The following MAF variants were observed in gnomAD, a reference collection of about 807,000 sequenced individuals.
MAF encodes transcription factor Maf.
Under a neutral mutation model 22.0 loss-of-function variants are expected in MAF, and 10 were observed. The ratio of observed to expected loss-of-function variants is 0.45; its 90% CI spans 0.28 to 0.77. MAF has a LOEUF of 0.77. MAF is among the 30% of genes least tolerant of loss of function. The pLI is 0.12. For missense variants in MAF, 544 were observed against 548.4 expected (o/e 0.99, Z 0.08); for synonymous variants, 337 against 255.8 (o/e 1.32, Z -3.03).
At chr16:79,277,643 G>C in the MAF span, among the ~76,000 whole-genome samples, 3 of 152,180 alleles carry the variant, frequency 2.0e-5, no homozygotes, top group African/African-American at 7.2e-5. Flanking sequence ...GTAGTGGATG[G>C]CTTTAGGAAT....
the MAF span, among the ~76,000 whole-genome samples, chr16:79,575,130 A>G: frequency 6.6e-6 from 1 of 151,746 alleles, no homozygotes; most frequent in Non-Finnish European, 1.5e-5. Context: ...CCCACAAACC[A>G]GTCTTTAGAT....
the MAF span, among the ~76,000 whole-genome samples, chr16:79,459,252 A>G: frequency 2.6e-3 from 389 of 152,324 alleles, 4 homozygotes; most frequent in African/African-American, 9.0e-3. Context: ...AGCAAAAAAC[A>G]AAAGATACAA....
chr16:79,409,057 C>T, the MAF span, among the ~76,000 whole-genome samples: 1 of 151,474 alleles, frequency 6.6e-6, no homozygotes, highest in African/African-American at 2.4e-5. Context: ...ACCTAGACTA[C>T]AGTGTGAACA....
Position 79,594,640 on chromosome 16 carries a change from T to A in MAF, c.1119-87A>T, listed in dbSNP as rs1448677589. The A allele has an allele frequency of 5.6e-5, 3 of 53,920 alleles. No individual in the cohort carries two copies. The South Asian group carries it at 1.7e-3, about 30-fold the overall frequency. 3.3% of individuals were successfully genotyped at this position (53,920 alleles called of 1,614,324 possible). On this transcript the variant is annotated intron_variant, in intron 1 of 1. Transcript: ENST00000326043. The stretch of plus-strand genomic sequence containing the variant: ...GGGAAAGCTAGATTTCCTCATATGA[T>A]TTTTTTTTTTTTAAATTTAGAGACT...
the MAF span, among the ~76,000 whole-genome samples, chr16:79,445,705 AG>A: frequency 6.6e-6 from 1 of 152,240 alleles, no homozygotes; most frequent in Non-Finnish European, 1.5e-5. Flanking sequence ...TTGACAGCAA[AG>A]GACCAGTTTG....
At chr16:79,586,269 A>G (rs966521184) in intron 1 of MAF, among the ~76,000 whole-genome samples, 4 of 152,138 alleles carry the variant, frequency 2.6e-5, no homozygotes, top group African/African-American at 9.7e-5. Flanking sequence ...GGGAGCCAAG[A>G]GATTCTGGGT....
chr16:79,582,818 G>A (rs1222339451), downstream of MAF, among the ~76,000 whole-genome samples: 1 of 152,182 alleles, frequency 6.6e-6, no homozygotes, highest in Admixed American at 6.5e-5. Context: ...ACAGCAGAGA[G>A]CATTCTCCTT....
At chr16:79,382,096 G>C in the MAF span, among the ~76,000 whole-genome samples, 1 of 152,096 alleles carries the variant, frequency 6.6e-6, no homozygotes, top group African/African-American at 2.4e-5. Context: ...TTTCAACTTA[G>C]GTGACACTTT....
the MAF span, among the ~76,000 whole-genome samples, chr16:79,493,330 T>C: frequency 2.0e-5 from 3 of 152,114 alleles, no homozygotes; most frequent in East Asian, 3.9e-4. Context: ...TACAGGTGCC[T>C]GCCACCACGC....
At chr16:79,276,625 C>A in the MAF span, among the ~76,000 whole-genome samples, 1 of 152,124 alleles carries the variant, frequency 6.6e-6, no homozygotes, top group South Asian at 2.1e-4. Context: ...CCCATCAGTG[C>A]CAGAGGTCAC....
the MAF span, among the ~76,000 whole-genome samples, chr16:79,497,862 C>T: frequency 1.3e-5 from 2 of 152,202 alleles, no homozygotes; most frequent in Admixed American, 6.5e-5. Flanking sequence ...TCCTGCAATG[C>T]CTTGCTCACC....
chr16:79,566,421 G>C, the MAF span, among the ~76,000 whole-genome samples: 10 of 152,228 alleles, frequency 6.6e-5, no homozygotes, highest in East Asian at 3.9e-4. Flanking sequence ...CCTCCCTGTT[G>C]ATGGCCCAGT....
At chr16:79,302,440 T>G in the MAF span, among the ~76,000 whole-genome samples, 1 of 152,206 alleles carries the variant, frequency 6.6e-6, no homozygotes. Flanking sequence ...TAATACCTTG[T>G]GCCAGAATCA....
At chr16:79,385,721 C>T in the MAF span, among the ~76,000 whole-genome samples, 1 of 151,946 alleles carries the variant, frequency 6.6e-6, no homozygotes, top group African/African-American at 2.4e-5. Context: ...GCCAACATGG[C>T]AAAACCCTGT....
the MAF span, among the ~76,000 whole-genome samples, chr16:79,269,957 T>C: frequency 1.3e-5 from 2 of 152,186 alleles, no homozygotes; most frequent in African/African-American, 2.4e-5. Context: ...ACCTGGTCCA[T>C]TCATCTCTCA....
chr16:79,473,277 T>A, the MAF span, among the ~76,000 whole-genome samples: 1 of 152,132 alleles, frequency 6.6e-6, no homozygotes, highest in Admixed American at 6.6e-5. Context: ...AAGGAATGAA[T>A]GGAGGAACTC....
chr16:79,346,791 T>C, the MAF span, among the ~76,000 whole-genome samples: 2 of 152,214 alleles, frequency 1.3e-5, no homozygotes, highest in African/African-American at 4.8e-5. Flanking sequence ...AGAGATCTAT[T>C]TGCACATTTC....
At chr16:79,259,436 G>T in the MAF span, among the ~76,000 whole-genome samples, 1 of 152,132 alleles carries the variant, frequency 6.6e-6, no homozygotes, top group Non-Finnish European at 1.5e-5. Flanking sequence ...GTCACAACAG[G>T]TAATTCCTTT....
the MAF span, among the ~76,000 whole-genome samples, chr16:79,332,669 G>C: frequency 6.6e-6 from 1 of 152,196 alleles, no homozygotes; most frequent in Non-Finnish European, 1.5e-5. Flanking sequence ...TTTTATAGCA[G>C]CTTCTTGAAT....
Sources: allele counts gnomAD v4.1 joint callset (sites outside exome capture counted in the v4.1 genomes callset), GRCh38; gene constraint gnomAD v4.1.1; transcripts MANE v1.5; gene names NCBI Gene and HGNC (gene_info 2026-07-23, HGNC 2026-07-21).